The following FBXL5 variants were observed in gnomAD, a reference collection of about 807,000 sequenced individuals.
FBXL5 encodes F-box and leucine rich repeat protein 5.
Under a neutral mutation model 78.3 loss-of-function variants are expected in FBXL5, and 26 were observed. That is an observed-to-expected ratio of 0.33 (90% CI 0.24 to 0.46). The LOEUF is 0.46. FBXL5 is among the 20% of genes least tolerant of loss of function. The pLI is 1.00. For synonymous variants in FBXL5, 295 were observed against 282.5 expected (o/e 1.04, Z -0.45); for missense variants, 710 against 829.2 (o/e 0.86, Z 1.77).
At chr4:15,669,701 A>C (rs1204051392) in intron 1 of FBXL5, among the ~76,000 whole-genome samples, 1 of 152,236 alleles carries the variant, frequency 6.6e-6, no homozygotes, top group East Asian at 1.9e-4. Context: ...CACTATGAAA[A>C]GTTATTTTTA....
chr4:15,680,569 C>T (rs1353862970), intron 1 of FBXL5, among the ~76,000 whole-genome samples: 1 of 151,890 alleles, frequency 6.6e-6, no homozygotes, highest in Non-Finnish European at 1.5e-5. Context: ...CCCAGCTACT[C>T]GGGAGGTTGT....
chr4:15,641,854 C>A (rs1714916978), intron 2 of FBXL5, among the ~76,000 whole-genome samples: 1 of 152,008 alleles, frequency 6.6e-6, no homozygotes, highest in South Asian at 2.1e-4. Context: ...CGGCGAAACC[C>A]TGTCTCTACT....
At chr4:15,626,780 G>C (rs1185410265) in intron 8 of FBXL5, 93 bp downstream of exon 8, 4 of 897,334 alleles carry the variant, frequency 4.5e-6, no homozygotes, top group Non-Finnish European at 6.8e-6. Context: ...AGATTTGATA[G>C]TAAAAAATAA....
At chr4:15,681,557 A>T (rs1486003918), upstream of FBXL5, 1 of 154,216 alleles carries the variant, frequency 6.5e-6, no homozygotes, top group African/African-American at 2.4e-5. Flanking sequence ...GGTGTCTCCT[A>T]GGGTTTCTTG....
chr4:15,659,307 A>G (rs972786964), upstream of FBXL5, among the ~76,000 whole-genome samples: 1 of 152,230 alleles, frequency 6.6e-6, no homozygotes, highest in Non-Finnish European at 1.5e-5. Flanking sequence ...CCTGTTATTC[A>G]GTAATATACA....
chr4:15,645,718 C>T lies in FBXL5; in HGVS notation c.85-1010G>A, dbSNP rs899956380. On this transcript the variant is annotated intron_variant, in intron 1 of 10. Coordinates refer to ENST00000341285, the MANE Select transcript of FBXL5 (RefSeq NM_012161.4). ...CTGGGATTACAGGTATAAGCTACCA[C>T]GCCCGGCCTACTTTTCTTTCTTAAT... Among the ~76,000 whole-genome samples, 8 of 152,226 alleles carry T rather than the reference C, an allele frequency of 5.3e-5. No individual in the cohort carries two copies. The South Asian group carries it at 6.2e-4, about 12-fold the overall frequency.
chr4:15,606,426 TA>T (rs1463919190), intron 10 of FBXL5, among the ~76,000 whole-genome samples: 1 of 151,066 alleles, frequency 6.6e-6, no homozygotes, highest in Non-Finnish European at 1.5e-5. Flanking sequence ...TTACAAAGAA[TA>T]AAAAAAAATC....
intron 6 of FBXL5, among the ~76,000 whole-genome samples, chr4:15,629,651 G>A (rs1380259314): frequency 6.6e-6 from 1 of 152,004 alleles, no homozygotes; most frequent in Non-Finnish European, 1.5e-5. Context: ...CCTGCCACAG[G>A]TAAGCACATC....
chr4:15,667,966 G>A (rs1427688225), intron 1 of FBXL5, among the ~76,000 whole-genome samples: 4 of 151,732 alleles, frequency 2.6e-5, no homozygotes, highest in East Asian at 1.9e-4. Context: ...GCTTGAACTC[G>A]GGAGGTGGAG....
intron 2 of FBXL5, 146 bp downstream of exon 2, chr4:15,644,347 T>C (rs879825331): frequency 1.2e-5 from 8 of 664,174 alleles, no homozygotes; most frequent in East Asian, 2.8e-5. Flanking sequence ...TCTTTTTAAA[T>C]AGTCTTCCTT....
chr4:15,679,357 A>G (rs947276002), intron 1 of FBXL5, among the ~76,000 whole-genome samples: 4 of 152,132 alleles, frequency 2.6e-5, no homozygotes, highest in Non-Finnish European at 5.9e-5. Flanking sequence ...GGGCTAAAAT[A>G]TCTACTCTTT....
intron 9 of FBXL5, among the ~76,000 whole-genome samples, chr4:15,618,477 T>G (rs1712133200): frequency 2.0e-5 from 3 of 152,280 alleles, no homozygotes; most frequent in South Asian, 4.1e-4. Flanking sequence ...AGAAGATGAA[T>G]CAAAACCCTC....
At chr4:15,652,995 T>C (rs150280514) in intron 1 of FBXL5, among the ~76,000 whole-genome samples, 243 of 152,342 alleles carry the variant, frequency 1.6e-3, no homozygotes, top group African/African-American at 5.6e-3. Context: ...TTAAGATTAC[T>C]GAACCATTAC....
intron 5 of FBXL5, among the ~76,000 whole-genome samples, chr4:15,635,891 T>C (rs1321527879): frequency 6.6e-6 from 1 of 152,080 alleles, no homozygotes; most frequent in Non-Finnish European, 1.5e-5. Flanking sequence ...TTTCTTTAAC[T>C]GTTCACATGT....
intron 2 of FBXL5, chr4:15,641,535 A>T (rs552774038): frequency 6.1e-5 from 26 of 425,350 alleles, no homozygotes; most frequent in South Asian, 4.5e-4. Flanking sequence ...TTACTGTAAG[A>T]ATCCAGTATA....
chr4:15,651,970 T>C (rs764699270), intron 1 of FBXL5, among the ~76,000 whole-genome samples: 1 of 152,170 alleles, frequency 6.6e-6, no homozygotes, highest in Non-Finnish European at 1.5e-5. Context: ...TATACCCTAT[T>C]TGGATTTCCA....
chr4:15,665,884 A>G (rs1717519457), intron 1 of FBXL5, among the ~76,000 whole-genome samples: 2 of 152,114 alleles, frequency 1.3e-5, no homozygotes, highest in African/African-American at 4.8e-5. Context: ...ACACCCTCCA[A>G]AGGAATCTGG....
Position 15,617,573 on chromosome 4 carries a change from G to A in FBXL5, c.1851-5159C>T, listed in dbSNP as rs571432236. ...AAAAAAAAAAAAAAAGAAAGAAAAC[G>A]TGGTACATATACACCATGAAATACT... On this transcript the variant is annotated intron_variant, in intron 9 of 10. Coordinates refer to ENST00000341285, the MANE Select transcript of FBXL5 (RefSeq NM_012161.4). Among the ~76,000 whole-genome samples, 555 of 149,252 alleles carry A rather than the reference G, an allele frequency of 3.7e-3. 2 individuals are homozygous for A. The highest frequency in any genetic ancestry group is 0.013 in the African/African-American group (520 of 40,660).
chr4:15,640,865 T>G lies in FBXL5; in HGVS notation c.319A>C (p.Asn107His), dbSNP rs779482491. 2.0e-6 allele frequency: 3 copies of G among 1,534,660 alleles called. No individual in the cohort carries two copies. The change falls in exon 3 of 11, where the codon AAT becomes CAT. Residue 107 changes from asparagine (N) to histidine (H), a missense_variant. Physicochemically the swap from Asn to His is moderately conservative, Grantham distance 68 (BLOSUM62 1). This residue lies in a region of FBXL5 where 132 missense variants were observed against 156.9 expected (regional missense o/e 0.84). Coordinates refer to ENST00000341285, the MANE Select transcript of FBXL5 (RefSeq NM_012161.4). ...KNVKNEYEQL[N>H]YAKQLKERLE... ...CTCTCTTTCAGTTGTTTTGCATAAT[T>G]TAACTGTTCATATTCATTCTGGAAA...
Sources: allele counts gnomAD v4.1 joint callset (sites outside exome capture counted in the v4.1 genomes callset), GRCh38; gene constraint gnomAD v4.1.1; regional missense constraint gnomAD v4.1.1; transcripts MANE v1.5; gene names NCBI Gene and HGNC (gene_info 2026-07-23, HGNC 2026-07-21).